The following ITPK1 variants were observed in gnomAD, a reference collection of about 807,000 sequenced individuals.
The protein encoded by ITPK1 is inositol-tetrakisphosphate 1-kinase.
Under a neutral mutation model 45.3 loss-of-function variants are expected in ITPK1, and 21 were observed. The observed-to-expected ratio is 0.46, with a 90% confidence interval of 0.33 to 0.67. ITPK1 has a LOEUF of 0.67. ITPK1 is among the 30% of genes least tolerant of loss of function. ITPK1 has a pLI of 0.02. For missense variants in ITPK1, 474 were observed against 573.5 expected, an observed-to-expected ratio of 0.83 and a Z score of 1.77; for synonymous variants, 258 against 253.6, an observed-to-expected ratio of 1.02 and a Z score of -0.16.
intron 3 of ITPK1, among the ~76,000 whole-genome samples, chr14:93,023,685 A>AT (rs1487128512): frequency 2.0e-5 from 3 of 152,172 alleles, no homozygotes; most frequent in South Asian, 2.1e-4. Flanking sequence ...TTTAGCTATG[A>AT]TTTTTTTCAC....
At chr14:92,971,494 T>C (rs569658683) in intron 5 of ITPK1, among the ~76,000 whole-genome samples, 6 of 152,258 alleles carry the variant, frequency 3.9e-5, no homozygotes, top group African/African-American at 1.4e-4. Context: ...CAGGTGTGCA[T>C]GAAAAACTCG....
chr14:93,026,343 T>C (rs183417689), intron 3 of ITPK1, among the ~76,000 whole-genome samples: 1 of 152,222 alleles, frequency 6.6e-6, no homozygotes, highest in Non-Finnish European at 1.5e-5. Context: ...AAGATATGTT[T>C]GAATGTTAAG....
At chr14:93,100,952 C>G (rs1025909752) in intron 2 of ITPK1, among the ~76,000 whole-genome samples, 2 of 152,186 alleles carry the variant, frequency 1.3e-5, no homozygotes, top group African/African-American at 4.8e-5. Flanking sequence ...TGCCCACGTC[C>G]CAGATGGCTG....
intron 2 of ITPK1, among the ~76,000 whole-genome samples, chr14:93,104,877 C>A (rs1892460414): frequency 1.8e-5 from 2 of 110,114 alleles, no homozygotes; most frequent in African/African-American, 5.2e-5. Flanking sequence ...CCAGAGTGAC[C>A]CCAGGCTAAT....
chr14:92,971,010 G>A (rs1268662881), intron 5 of ITPK1, among the ~76,000 whole-genome samples: 1 of 152,122 alleles, frequency 6.6e-6, no homozygotes, highest in Non-Finnish European at 1.5e-5. Flanking sequence ...AGCTATCTCA[G>A]CCCCACACGC....
chr14:92,961,828 G>A (rs949715252), intron 7 of ITPK1, among the ~76,000 whole-genome samples: 7 of 152,242 alleles, frequency 4.6e-5, no homozygotes, highest in Non-Finnish European at 7.3e-5. Flanking sequence ...CCCTCAAGAT[G>A]GGATTAGTGC....
rs1184019449 is a variant in ITPK1, at chr14:93,012,040, T to C, written c.246+4636A>G. Among the ~76,000 whole-genome samples the C allele has an allele frequency of 6.6e-6, 1 of 151,876 alleles. No individual in the cohort carries two copies. The highest frequency in any genetic ancestry group is 1.5e-5 in the Non-Finnish European group (1 of 67,982). Reference sequence around the variant, plus strand: ...ATCTGCCTCATTAACGCTCCTGGCCTCCTCCCTCCCCGCTCCAAGCAGCCC... The same window carrying C: ...ATCTGCCTCATTAACGCTCCTGGCCCCCTCCCTCCCCGCTCCAAGCAGCCC... On this transcript the variant is annotated intron_variant, in intron 4 of 10. Coordinates refer to ENST00000267615, the MANE Select transcript of ITPK1 (RefSeq NM_014216.6). This position sits in a 1 kb window ranked among gnomAD's most constrained non-coding sequence, Gnocchi z 4.9.
chr14:92,969,039 C>T (rs987498570), intron 5 of ITPK1, among the ~76,000 whole-genome samples: 1 of 152,126 alleles, frequency 6.6e-6, no homozygotes, highest in African/African-American at 2.4e-5. Flanking sequence ...ATGTCTGCAC[C>T]GCTTGAGTCA....
chr14:93,088,162 C>T (rs1229765422), intron 2 of ITPK1, among the ~76,000 whole-genome samples: 1 of 152,148 alleles, frequency 6.6e-6, no homozygotes, highest in African/African-American at 2.4e-5. Flanking sequence ...CCAGTAATCC[C>T]CGAGCTCTCT....
At position 93,084,994 on chromosome 14, in the gene ITPK1, T is replaced by G. The variant is rs183592735; in HGVS notation, c.96-8375A>C. Among the ~76,000 whole-genome samples, 85 of 152,338 alleles carry G rather than the reference T, an allele frequency of 5.6e-4. 1 individual carries two copies. Among genetic ancestry groups the G allele is most frequent in the African/African-American group, 2.0e-3 (84 of 41,586 alleles). The stretch of plus-strand genomic sequence containing the variant: ...AGATGGCTCTTTATTTCAGCATCCC[T>G]GTGCCCCCTGCAGACCCTGGGCCTG... On this transcript the variant is annotated intron_variant, in intron 2 of 10. Coordinates refer to ENST00000267615, the MANE Select transcript of ITPK1 (RefSeq NM_014216.6).
At chr14:93,112,043 C>T (rs1892777059) in intron 2 of ITPK1, among the ~76,000 whole-genome samples, 1 of 152,108 alleles carries the variant, frequency 6.6e-6, no homozygotes, top group East Asian at 1.9e-4. Context: ...GTGCACTACC[C>T]CCCAAACCCT....
intron 9 of ITPK1, among the ~76,000 whole-genome samples, chr14:92,947,941 C>G (rs754537488): frequency 6.6e-6 from 1 of 152,212 alleles, no homozygotes; most frequent in Admixed American, 6.5e-5. Context: ...TATTCATACC[C>G]CAGCGTGCAT....
rs1326374705 is a variant in ITPK1 at position 92,941,469 on chromosome 14, G to T, written c.*92C>A. On this transcript the variant is annotated 3_prime_UTR_variant, in exon 11 of 11. Coordinates refer to ENST00000267615, the MANE Select transcript of ITPK1 (RefSeq NM_014216.6). ...AAAAACAGAAGAATCAGATCACTGG[G>T]GATTCTTAGTAGTAGCATCGCCGTT... 1.4e-6 allele frequency: 2 copies of T among 1,437,346 alleles called. No homozygotes were observed. The highest frequency in any genetic ancestry group is 3.0e-5 in the African/African-American group (2 of 67,582). The allele number at this position is 1,437,346 out of a possible 1,614,324, so 89.0% of individuals were successfully genotyped here.
intron 5 of ITPK1, among the ~76,000 whole-genome samples, chr14:92,986,283 C>T (rs1202892630): frequency 4.6e-5 from 7 of 152,204 alleles, no homozygotes; most frequent in Non-Finnish European, 1.0e-4. Context: ...CCAATCTGAC[C>T]AACAAGGAGG....
At chr14:93,048,803 C>T (rs1435549738) in intron 3 of ITPK1, among the ~76,000 whole-genome samples, 1 of 152,066 alleles carries the variant, frequency 6.6e-6, no homozygotes, top group East Asian at 1.9e-4. Flanking sequence ...ACAAAAGTTA[C>T]CCAGATATGG....
chr14:92,976,975 A>T (rs1885975192), intron 5 of ITPK1, among the ~76,000 whole-genome samples: 1 of 152,172 alleles, frequency 6.6e-6, no homozygotes, highest in South Asian at 2.1e-4. Flanking sequence ...CTTCCCAAAC[A>T]CTGTAGCCAG....
chr14:93,015,957 G>A (rs145131061), intron 4 of ITPK1, among the ~76,000 whole-genome samples: 28 of 152,330 alleles, frequency 1.8e-4, no homozygotes, highest in Middle Eastern at 3.4e-3. Context: ...AGGCACACCT[G>A]AAAACAGCTA....
chr14:93,061,279 G>A (rs114241962), intron 3 of ITPK1, among the ~76,000 whole-genome samples: 2,185 of 152,244 alleles, frequency 0.014, 55 homozygotes, highest in African/African-American at 0.05. Flanking sequence ...TTGGTGTTAC[G>A]ACAACCCCTT....
intron 2 of ITPK1, among the ~76,000 whole-genome samples, chr14:93,104,533 A>G (rs1174576138): frequency 1.3e-5 from 2 of 152,104 alleles, no homozygotes; most frequent in African/African-American, 4.8e-5. Flanking sequence ...TGTGTTGAAG[A>G]CAAAGGCAAC....
Sources: allele counts gnomAD v4.1 joint callset (sites outside exome capture counted in the v4.1 genomes callset), GRCh38; gene constraint gnomAD v4.1.1; non-coding constraint Gnocchi (gnomAD v3.1); transcripts MANE v1.5; gene names NCBI Gene and HGNC (gene_info 2026-07-23, HGNC 2026-07-21).